Variants in ZDHHC3 observed in about 807,000 individuals in gnomAD.
The protein encoded by ZDHHC3 is palmitoyltransferase ZDHHC3.
A neutral mutation model predicts 30.6 loss-of-function variants in ZDHHC3; 9 were observed. That is an observed-to-expected ratio of 0.29 (90% CI 0.18 to 0.51). ZDHHC3 has a LOEUF of 0.51. Ranked by LOEUF, ZDHHC3 falls within the 20% of genes least tolerant of loss-of-function variation. ZDHHC3 has a pLI of 0.97. For missense variants in ZDHHC3, 246 were observed against 384.2 expected (o/e 0.64, Z 3.01); for synonymous variants, 136 against 140.2 (o/e 0.97, Z 0.21).
intron 2 of ZDHHC3, among the ~76,000 whole-genome samples, chr3:44,949,559 CAAAACAAAAACA>C (rs767899934): frequency 1.3e-5 from 2 of 152,092 alleles, no homozygotes; most frequent in African/African-American, 4.8e-5. Flanking sequence ...TAAAAACAAG[CAAAACAAAAACA>C]AAAACAAAAA....
At position 44,924,987 on chromosome 3, in the gene ZDHHC3, C is replaced by A; in HGVS notation, c.*1702G>T. On this transcript the variant is annotated 3_prime_UTR_variant, in exon 7 of 7. Transcript: ENST00000424952. ...GGCTGCAGAAAGCAAAGGAAAGAGG[C>A]CTGGTGGGGCAAGCTGGTTCAAGAG... 1 of 985,466 alleles carries A rather than the reference C, an allele frequency of 1.0e-6. No individual in the cohort carries two copies. The allele number at this position is 985,466 out of a possible 1,614,324, so 61.0% of individuals were successfully genotyped here.
intron 5 of ZDHHC3, 123 bp downstream of exon 5, chr3:44,932,995 C>G: frequency 6.2e-7 from 1 of 1,614,140 alleles, no homozygotes; most frequent in Non-Finnish European, 8.5e-7. Context: ...CATAGGCTTT[C>G]AGGAGATTTA....
intron 5 of ZDHHC3, among the ~76,000 whole-genome samples, chr3:44,931,788 C>T (rs1009132077): frequency 1.3e-5 from 2 of 152,218 alleles, no homozygotes; most frequent in Non-Finnish European, 2.9e-5. Context: ...ACTACAGACC[C>T]TCTTGTTAGC....
chr3:44,970,016 C>T (rs1705281758), intron 1 of ZDHHC3: 1 of 152,256 alleles, frequency 6.6e-6, no homozygotes, highest in Non-Finnish European at 1.5e-5. Flanking sequence ...GCCACTGTGA[C>T]ATCACTTAGG....
At chr3:44,929,241 C>A in intron 6 of ZDHHC3, 65 bp downstream of exon 6, 2 of 1,585,104 alleles carry the variant, frequency 1.3e-6, no homozygotes, top group Non-Finnish European at 8.6e-7. Context: ...GCTCTCCCAG[C>A]AACACTGACC....
In ZDHHC3 at chr3:44,945,958, T is replaced by C. The variant is rs181832953; in HGVS notation, c.307-666A>G. Among the ~76,000 whole-genome samples, 320 of 152,346 alleles carry C rather than the reference T, an allele frequency of 2.1e-3. 1 individual carries two copies. The highest frequency in any genetic ancestry group is 7.3e-3 in the African/African-American group (305 of 41,580). On this transcript the variant is annotated intron_variant, in intron 2 of 6. Coordinates refer to ENST00000424952, the MANE Select transcript of ZDHHC3 (RefSeq NM_001135179.2). ...TTTTAATTGAATCCATTCTCTCCTA[T>C]ATAACAGCAAGGATTTGGCTCACTG...
At chr3:44,930,275 A>T (rs1701380810) in intron 5 of ZDHHC3, among the ~76,000 whole-genome samples, 1 of 152,200 alleles carries the variant, frequency 6.6e-6, no homozygotes, top group Non-Finnish European at 1.5e-5. Flanking sequence ...CAGCGCATGG[A>T]AGAGAAAGGC....
intron 6 of ZDHHC3, among the ~76,000 whole-genome samples, chr3:44,928,588 C>A (rs1701208857): frequency 6.6e-6 from 1 of 152,158 alleles, no homozygotes; most frequent in Non-Finnish European, 1.5e-5. Context: ...CAGAGAAATG[C>A]CCATATTGCA....
At chr3:44,929,579 T>G (rs1701310150) in intron 5 of ZDHHC3, 143 bp from the exon 6 acceptor site, 1 of 1,144,676 alleles carries the variant, frequency 8.7e-7, no homozygotes, top group Non-Finnish European at 1.2e-6. Context: ...GCCTCCAGGC[T>G]ACGGTGAGAA....
In ZDHHC3 at chr3:44,916,043, G is replaced by C. The variant is rs1700142133; in HGVS notation, c.*10646C>G. On this transcript the variant is annotated 3_prime_UTR_variant, in exon 7 of 7. Transcript: ENST00000424952. ...AGATTGCAAGTTAATGGCCTTTACA[G>C]CTGACTCGGGCTCCTATGTCGTCAT... is the stretch of plus-strand genomic sequence containing the variant. 6.6e-6 allele frequency: 1 copy of C among 152,216 alleles called. No individual in the cohort carries two copies. The highest frequency in any genetic ancestry group is 6.5e-5 in the Admixed American group (1 of 15,288). 9.4% of individuals were successfully genotyped at this position (152,216 alleles called of 1,614,324 possible). A position where few individuals can be genotyped will look rare whatever the true frequency, so the allele number is the denominator to read the frequency against.
chr3:44,923,119 A>G lies in ZDHHC3; in HGVS notation c.*3570T>C. The G allele has an allele frequency of 1.0e-6, 1 of 963,046 alleles. No homozygotes were observed. The highest frequency in any genetic ancestry group is 1.2e-6 in the Non-Finnish European group (1 of 819,840). 59.7% of individuals were successfully genotyped at this position (963,046 alleles called of 1,614,324 possible). A position where few individuals can be genotyped will look rare whatever the true frequency, so the allele number is the denominator to read the frequency against. On this transcript the variant is annotated 3_prime_UTR_variant, in exon 7 of 7. Transcript: ENST00000424952. The stretch of plus-strand genomic sequence containing the variant: ...GAGACGGAGTCTCACTCTGTCGCCC[A>G]GGCTGGAGTGCAGTGGTGCGATCTT...
At chr3:44,940,913 T>C (rs1053582322) in intron 3 of ZDHHC3, among the ~76,000 whole-genome samples, 6 of 152,196 alleles carry the variant, frequency 3.9e-5, no homozygotes, top group Middle Eastern at 3.4e-3. Flanking sequence ...TTCCATGGGG[T>C]TCTGTCTCTC....
Position 44,921,951 on chromosome 3 carries a change from C to T in ZDHHC3, c.*4738G>A. On this transcript the variant is annotated 3_prime_UTR_variant, in exon 7 of 7. Transcript: ENST00000424952. ...CCCTCTGCAGCGCTTGTCCTCACTC[C>T]TTGGATCAGCTTCATCGGCTCCTCC... is the stretch of plus-strand genomic sequence containing the variant. 1 of 985,444 alleles carries T rather than the reference C, an allele frequency of 1.0e-6. No individual in the cohort carries two copies. The highest frequency in any genetic ancestry group is 4.7e-5 in the South Asian group (1 of 21,290). The allele number at this position is 985,444 out of a possible 1,614,324, so 61.0% of individuals were successfully genotyped here.
At chr3:44,975,674 A>G (rs1705874472) in intron 1 of ZDHHC3, among the ~76,000 whole-genome samples, 1 of 151,742 alleles carries the variant, frequency 6.6e-6, no homozygotes, top group South Asian at 2.1e-4. Flanking sequence ...TAGGGACTAG[A>G]GAAATGGAGG....
rs1700401853 is a variant in ZDHHC3 at position 44,918,929 on chromosome 3, C to A, written c.*7760G>T. 4.1e-6 allele frequency: 4 copies of A among 985,536 alleles called. No individual in the cohort carries two copies. The African/African-American group carries it at 5.2e-5, about 13-fold the overall frequency. 61.0% of individuals were successfully genotyped at this position (985,536 alleles called of 1,614,324 possible). A position where few individuals can be genotyped will look rare whatever the true frequency, so the allele number is the denominator to read the frequency against. Reference sequence around the variant, plus strand: ...AACACCCTGCACAGAGGCCTTTGACCCTCCACTGGGGGCACTGCTTTCTCC... The same window carrying A: ...AACACCCTGCACAGAGGCCTTTGACACTCCACTGGGGGCACTGCTTTCTCC... On this transcript the variant is annotated 3_prime_UTR_variant, in exon 7 of 7. Coordinates refer to ENST00000424952, the MANE Select transcript of ZDHHC3 (RefSeq NM_001135179.2).
intron 2 of ZDHHC3, among the ~76,000 whole-genome samples, chr3:44,945,964 A>C (rs767275574): frequency 2.0e-5 from 3 of 152,230 alleles, no homozygotes; most frequent in Non-Finnish European, 4.4e-5. Context: ...CCTATATAAC[A>C]GCAAGGATTT....
Position 44,921,712 on chromosome 3 carries a change from A to T in ZDHHC3, c.*4977T>A. On this transcript the variant is annotated 3_prime_UTR_variant, in exon 7 of 7. Transcript: ENST00000424952. Reference sequence around the variant, plus strand: ...TTTAGATTATCATTCCCGTTTTCAGATGAAAAAACTGAGGCTTAAAGAAGT... The same window carrying T: ...TTTAGATTATCATTCCCGTTTTCAGTTGAAAAAACTGAGGCTTAAAGAAGT... 2.1e-6 allele frequency: 2 copies of T among 963,926 alleles called. No homozygotes were observed. Among genetic ancestry groups the T allele is most frequent in the Non-Finnish European group, 2.5e-6 (2 of 810,460 alleles). 59.7% of individuals were successfully genotyped at this position (963,926 alleles called of 1,614,324 possible).
intron 1 of ZDHHC3, among the ~76,000 whole-genome samples, chr3:44,971,165 C>T (rs1575965001): frequency 1.3e-5 from 2 of 152,360 alleles, no homozygotes; most frequent in South Asian, 4.1e-4. Context: ...TCTCATTAGG[C>T]TTACCTTGCT....
At chr3:44,944,307 C>T (rs1046124771) in intron 3 of ZDHHC3, among the ~76,000 whole-genome samples, 1 of 152,146 alleles carries the variant, frequency 6.6e-6, no homozygotes, top group African/African-American at 2.4e-5. Context: ...CCACCACGCC[C>T]GGCTAATTTT....
Sources: gnomAD v4.1 joint callset for allele counts (sites outside exome capture counted in the v4.1 genomes callset) on GRCh38, gnomAD v4.1.1 for gene constraint, MANE v1.5 for transcripts, NCBI Gene and HGNC (gene_info 2026-07-23, HGNC 2026-07-21) for gene names.